DPH6: variants seen among roughly 807,000 people sequenced by gnomAD.
DPH6 encodes diphthine--ammonia ligase.
DPH6 carries 33 observed loss-of-function variants against 38.2 expected under a neutral mutation model. The ratio of observed to expected loss-of-function variants is 0.86; its 90% CI spans 0.65 to 1.15. The LOEUF is 1.15. DPH6 is among the 50% of genes most tolerant of loss of function. The pLI, the probability that DPH6 is intolerant of heterozygous loss-of-function variation, is 0.00. For synonymous variants in DPH6, 108 were observed against 103.0 expected (o/e 1.05, Z -0.30); for missense variants, 325 against 320.0 (o/e 1.02, Z -0.12).
chr15:35,279,074 T>A (rs1265349869), intron 3 of DPH6, among the ~76,000 whole-genome samples: 28 of 135,088 alleles, frequency 2.1e-4, no homozygotes, highest in African/African-American at 7.4e-4. Context: ...AAAAAATATA[T>A]ATATATATAT....
At chr15:35,358,988 G>A (rs1379425480) in intron 3 of DPH6, among the ~76,000 whole-genome samples, 42 of 152,084 alleles carry the variant, frequency 2.8e-4, no homozygotes, top group Non-Finnish European at 1.3e-4. Context: ...GGTTGGGTAG[G>A]GAAGGACCAT....
At chr15:35,536,487 A>G (rs2055171480) in intron 3 of DPH6, among the ~76,000 whole-genome samples, 1 of 152,090 alleles carries the variant, frequency 6.6e-6, no homozygotes, top group Admixed American at 6.6e-5. Flanking sequence ...CATAAAGATA[A>G]TAATGGCAAA....
intron 3 of DPH6, among the ~76,000 whole-genome samples, chr15:35,473,502 A>T (rs960899698): frequency 2.6e-5 from 4 of 152,202 alleles, no homozygotes; most frequent in Admixed American, 6.5e-5. Context: ...CAATAATTTT[A>T]AAAAATTCAT....
At chr15:35,518,072 A>G (rs1418327089) in intron 3 of DPH6, among the ~76,000 whole-genome samples, 1 of 152,062 alleles carries the variant, frequency 6.6e-6, no homozygotes, top group Non-Finnish European at 1.5e-5. Flanking sequence ...GAAATCAGTA[A>G]GGGAAGGCCT....
intron 6 of DPH6, among the ~76,000 whole-genome samples, chr15:35,406,012 C>T (rs926636888): frequency 3.3e-5 from 5 of 151,974 alleles, no homozygotes; most frequent in East Asian, 3.9e-4. Flanking sequence ...TTATTTTTCA[C>T]GCACGTATCG....
intron 7 of DPH6, among the ~76,000 whole-genome samples, chr15:35,380,915 T>C (rs1272727942): frequency 6.6e-6 from 1 of 152,182 alleles, no homozygotes; most frequent in Non-Finnish European, 1.5e-5. Context: ...ATTATGTTGA[T>C]TATTAATGGA....
chr15:35,147,462 T>A, the DPH6 span, among the ~76,000 whole-genome samples: 2 of 152,122 alleles, frequency 1.3e-5, no homozygotes, highest in African/African-American at 4.8e-5. Flanking sequence ...GTAAACAATA[T>A]AAAATTGTAA....
intron 3 of DPH6, among the ~76,000 whole-genome samples, chr15:35,292,143 T>A (rs929834974): frequency 1.3e-5 from 2 of 152,166 alleles, no homozygotes; most frequent in African/African-American, 4.8e-5. Flanking sequence ...TCAAAAAGCA[T>A]TCTCATAAAT....
intron 3 of DPH6, among the ~76,000 whole-genome samples, chr15:35,490,586 C>T (rs920891060): frequency 6.6e-6 from 1 of 152,136 alleles, no homozygotes; most frequent in Non-Finnish European, 1.5e-5. Context: ...ATCTCATTTT[C>T]ATGAGGGTCC....
At chr15:35,411,201 C>A (rs958543890) in intron 5 of DPH6, among the ~76,000 whole-genome samples, 3 of 151,500 alleles carry the variant, frequency 2.0e-5, no homozygotes, top group South Asian at 2.1e-4. Context: ...AAAAGAGTAT[C>A]ATTTCAATTA....
intron 3 of DPH6, among the ~76,000 whole-genome samples, chr15:35,243,870 T>C (rs1767209313): frequency 6.6e-6 from 1 of 152,232 alleles, no homozygotes; most frequent in South Asian, 2.1e-4. Flanking sequence ...TAATTATTTA[T>C]ACACAAATTT....
At chr15:35,175,740 T>C in the DPH6 span, among the ~76,000 whole-genome samples, 1 of 152,122 alleles carries the variant, frequency 6.6e-6, no homozygotes, top group African/African-American at 2.4e-5. Flanking sequence ...AACAGAAGCA[T>C]TGCATTCTCC....
chr15:35,387,159 C>A (rs1018738709), intron 6 of DPH6, among the ~76,000 whole-genome samples: 2 of 152,000 alleles, frequency 1.3e-5, no homozygotes, highest in African/African-American at 2.4e-5. Flanking sequence ...TGTAGACATG[C>A]GGCATTATAT....
Position 35,343,557 on chromosome 15 carries a change from A to G in DPH6, n.208-12480T>C, listed in dbSNP as rs76921625. 7.9e-5 allele frequency among the ~76,000 whole-genome samples: 12 copies of G among 152,164 alleles called. No homozygotes were observed. In the East Asian group the frequency reaches 2.3e-3, roughly 29 times the overall value. On this transcript the variant is annotated intron_variant and non_coding_transcript_variant, in intron 3 of 3. Transcript: ENST00000558973. ...TAGGTACATCATTGTCTTATTTCCT[A>G]TTATATATTGCCTCATGATTCCGTA...
intron 3 of DPH6, among the ~76,000 whole-genome samples, chr15:35,361,018 C>T (rs1270476963): frequency 1.3e-5 from 2 of 152,188 alleles, no homozygotes; most frequent in Admixed American, 6.5e-5. Context: ...AGTTTGTTGG[C>T]CTTCTAATGA....
chr15:35,272,121 A>G (rs915217492), intron 3 of DPH6, among the ~76,000 whole-genome samples: 2 of 152,234 alleles, frequency 1.3e-5, no homozygotes, highest in African/African-American at 4.8e-5. Context: ...TAAAAAATCA[A>G]TAAAAATAAC....
At chr15:35,451,009 GA>G (rs2053926368) in intron 4 of DPH6, among the ~76,000 whole-genome samples, 1 of 151,984 alleles carries the variant, frequency 6.6e-6, no homozygotes, top group Non-Finnish European at 1.5e-5. Flanking sequence ...TGATAAAAAT[GA>G]AATTTCCAGG....
intron 6 of DPH6, among the ~76,000 whole-genome samples, chr15:35,405,210 T>C (rs1036541783): frequency 1.3e-5 from 2 of 151,298 alleles, no homozygotes; most frequent in Non-Finnish European, 2.9e-5. Flanking sequence ...GGATTCCATA[T>C]AAATTTTAGG....
At chr15:35,231,863 A>G (rs946328930) in intron 3 of DPH6, among the ~76,000 whole-genome samples, 9 of 152,092 alleles carry the variant, frequency 5.9e-5, no homozygotes, top group African/African-American at 2.2e-4. Context: ...GAAACAATTC[A>G]ATCTCATGAT....
Sources: gnomAD v4.1 joint callset for allele counts (sites outside exome capture counted in the v4.1 genomes callset) on GRCh38, gnomAD v4.1.1 for gene constraint, MANE v1.5 for transcripts, NCBI Gene and HGNC (gene_info 2026-07-23, HGNC 2026-07-21) for gene names.